The following HELZ variants were observed in gnomAD, a reference collection of about 807,000 sequenced individuals.
The protein encoded by HELZ is helicase with zinc finger, also known as ATP-dependent RNA helicase with zinc finger domain.
In HELZ, 23 loss-of-function variants were observed where a neutral mutation model predicts 218.2. That is an observed-to-expected ratio of 0.11 (90% CI 0.08 to 0.15). HELZ has a LOEUF of 0.15. Ranked by LOEUF, HELZ falls within the 10% of genes least tolerant of loss-of-function variation. The probability of loss-of-function intolerance (pLI) is 1.00; values close to 1 mark genes in which losing one functional copy is unlikely to be tolerated. For missense variants in HELZ, 1,813 were observed against 2,353.7 expected (o/e 0.77, Z 4.75); for synonymous variants, 814 against 829.4 (o/e 0.98, Z 0.32).
chr17:67,106,498 G>A (rs533765620), intron 31 of HELZ, among the ~76,000 whole-genome samples: 7 of 151,920 alleles, frequency 4.6e-5, no homozygotes, highest in East Asian at 1.9e-4. Flanking sequence ...TAGTAGAGAC[G>A]GGGTTTCACC....
At chr17:67,164,944 C>T (rs1398919274) in intron 15 of HELZ, among the ~76,000 whole-genome samples, 1 of 152,110 alleles carries the variant, frequency 6.6e-6, no homozygotes, top group Non-Finnish European at 1.5e-5. Context: ...GAAAACAGGG[C>T]CACAGACAAC....
At chr17:67,239,835 T>C (rs1200783027) in intron 2 of HELZ, 1 of 152,222 alleles carries the variant, frequency 6.6e-6, no homozygotes, top group Non-Finnish European at 1.5e-5. Context: ...TCCACTACTT[T>C]ACTGGTCTCG....
At chr17:67,187,869 G>A (rs1321016370) in intron 12 of HELZ, among the ~76,000 whole-genome samples, 1 of 152,094 alleles carries the variant, frequency 6.6e-6, no homozygotes, top group Non-Finnish European at 1.5e-5. Flanking sequence ...GATTTATGAA[G>A]GCTTATTATA....
chr17:67,198,104 G>A (rs1454261044), intron 7 of HELZ, among the ~76,000 whole-genome samples: 2 of 152,072 alleles, frequency 1.3e-5, no homozygotes, highest in Non-Finnish European at 2.9e-5. Context: ...AAAATTAACT[G>A]CAAGTAGGAA....
intron 3 of HELZ, among the ~76,000 whole-genome samples, chr17:67,223,458 T>C (rs942320139): frequency 6.6e-6 from 1 of 151,896 alleles, no homozygotes; most frequent in African/African-American, 2.4e-5. Flanking sequence ...TGTTAAAAAT[T>C]ATCCAAACTT....
intron 26 of HELZ, 27 bp downstream of exon 26, chr17:67,122,943 T>C (rs749101998): frequency 5.3e-6 from 8 of 1,503,452 alleles, no homozygotes; most frequent in East Asian, 2.3e-5. Flanking sequence ...CTTGATTCAA[T>C]AGAAAGTATT....
At chr17:67,234,061 G>A (rs1377554897) in intron 3 of HELZ, among the ~76,000 whole-genome samples, 79 of 110,080 alleles carry the variant, frequency 7.2e-4, no homozygotes, top group African/African-American at 1.9e-3. Context: ...AAAAAAAAAA[G>A]AGAGAGAGAG....
chr17:67,089,696 G>GAGAGAGAGAGAGAGAA (rs34752223), intron 31 of HELZ, among the ~76,000 whole-genome samples: 1 of 122,676 alleles, frequency 8.2e-6, no homozygotes, highest in Non-Finnish European at 1.7e-5. Context: ...GAGAGAGAGA[G>GAGAGAGAGAGAGAGAA]AGAGACAGAG....
At chr17:67,229,317 C>T (rs2040976227) in intron 3 of HELZ, among the ~76,000 whole-genome samples, 1 of 152,132 alleles carries the variant, frequency 6.6e-6, no homozygotes. Flanking sequence ...AACATTGTTC[C>T]CTCTGCCCAG....
chr17:67,186,016 A>G (rs2039743995), intron 12 of HELZ, among the ~76,000 whole-genome samples: 1 of 152,180 alleles, frequency 6.6e-6, no homozygotes, highest in South Asian at 2.1e-4. Context: ...ATCATCTTGG[A>G]AAACTACGCT....
chr17:67,180,877 C>CAAAAAA (rs1019801835), intron 12 of HELZ, among the ~76,000 whole-genome samples: 1 of 41,914 alleles, frequency 2.4e-5, no homozygotes, highest in Non-Finnish European at 4.5e-5. Flanking sequence ...GACTCCATCT[C>CAAAAAA]AAAAAAAAAA....
At chr17:67,220,755 G>A (rs561558633) in intron 3 of HELZ, among the ~76,000 whole-genome samples, 1 of 151,722 alleles carries the variant, frequency 6.6e-6, no homozygotes, top group South Asian at 2.1e-4. Flanking sequence ...GCCAACCAAA[G>A]TGCTAGGATT....
At position 67,218,655 on chromosome 17, in the gene HELZ, C is replaced by G. The variant is rs780343195; in HGVS notation, c.150G>C (p.Leu50Phe). 1.9e-6 allele frequency: 3 copies of G among 1,614,160 alleles called. No individual in the cohort carries two copies. The highest frequency in any genetic ancestry group is 2.5e-6 in the Non-Finnish European group (3 of 1,180,040). Residue 50 changes from leucine (L) to phenylalanine (F), a missense_variant, in exon 4 of 33, where the codon TTG becomes TTC. Physicochemically the swap from Leu to Phe is conservative, Grantham distance 22. Coordinates refer to ENST00000358691, the MANE Select transcript of HELZ (RefSeq NM_014877.4). The stretch of plus-strand genomic sequence containing the variant: ...TCTCGATTTTGATGCGTTCTATTTC[C>G]AATGGACAAGGCCCTGTGAAGTCTG... Reference protein sequence around the residue: ...SMADFTGPCPLEIERIKIESL... With the variant: ...SMADFTGPCPFEIERIKIESL...
At chr17:67,218,930 G>T in intron 3 of HELZ, 108 bp from the exon 4 acceptor site, 1 of 720,988 alleles carries the variant, frequency 1.4e-6, no homozygotes. Context: ...AATACTCTCA[G>T]CTAGCCTTTT....
chr17:67,131,990 G>A (rs773476882), intron 23 of HELZ, among the ~76,000 whole-genome samples: 2 of 151,962 alleles, frequency 1.3e-5, no homozygotes, highest in Non-Finnish European at 2.9e-5. Flanking sequence ...TCAATTCTCA[G>A]CCCCCTCCCT....
rs1555605956 is a variant in HELZ, at chr17:67,125,343, T to TATATATAC, written c.3388-1330_3388-1329insGTATATAT. The stretch of plus-strand genomic sequence containing the variant: ...ATATATATATATATATATATATATA[T>TATATATAC]ATACTTGTGAGGAATAGAGACGTGA... On this transcript the variant is annotated intron_variant, in intron 24 of 32. Coordinates refer to ENST00000358691, the MANE Select transcript of HELZ (RefSeq NM_014877.4). 7.0e-4 allele frequency among the ~76,000 whole-genome samples: 43 copies of TATATATAC among 61,390 alleles called. 6 individuals are homozygous for TATATATAC. Among genetic ancestry groups the TATATATAC allele is most frequent in the Non-Finnish European group, 9.6e-4 (31 of 32,376 alleles). 40.3% of individuals were successfully genotyped at this position (61,390 alleles called of 152,430 possible).
In HELZ at chr17:67,218,740, T is replaced by C. The variant is rs369440907; in HGVS notation, c.65A>G (p.Tyr22Cys). The C allele has an allele frequency of 3.1e-6, 5 of 1,614,228 alleles. No individual in the cohort carries two copies. The highest frequency in any genetic ancestry group is 1.3e-5 in the African/African-American group (1 of 75,060). The stretch of plus-strand genomic sequence containing the variant: ...TGTGCAGTGCTTGAGGGCCATTTCA[T>C]AGTCCTGCCTCTTAAGTGATTCACA... The part of the protein sequence containing the change: ...QACESLKRQD[Y>C]EMALKHCTEA... Residue 22 changes from tyrosine to cysteine, a missense_variant, in exon 4 of 33, where the codon TAT becomes TGT. Tyr to Cys is a radical substitution (Grantham distance 194). This residue lies in a region of HELZ where 714 missense variants were observed against 1,029.2 expected (regional missense o/e 0.69). Transcript: ENST00000358691.
chr17:67,191,942 G>A (rs914778777), intron 9 of HELZ, among the ~76,000 whole-genome samples: 4 of 151,728 alleles, frequency 2.6e-5, no homozygotes, highest in South Asian at 2.1e-4. Flanking sequence ...AGTGGCTCAC[G>A]CCTGTAATCC....
chr17:67,085,190 G>T (rs1196457343), intron 32 of HELZ, among the ~76,000 whole-genome samples: 1 of 152,064 alleles, frequency 6.6e-6, no homozygotes, highest in Admixed American at 6.5e-5. Context: ...AGGCTGAGGT[G>T]GGCAGATCGC....
Sources: allele counts gnomAD v4.1 joint callset (sites outside exome capture counted in the v4.1 genomes callset), GRCh38; gene constraint gnomAD v4.1.1; regional missense constraint gnomAD v4.1.1; transcripts MANE v1.5; gene names NCBI Gene and HGNC (gene_info 2026-07-23, HGNC 2026-07-21).